Variants in ZBTB7C observed in about 807,000 individuals in gnomAD.
ZBTB7C encodes the protein zinc finger and BTB domain-containing protein 7C.
A neutral mutation model predicts 25.7 loss-of-function variants in ZBTB7C; 8 were observed. The ratio of observed to expected loss-of-function variants is 0.31; its 90% CI spans 0.18 to 0.56. ZBTB7C has a LOEUF of 0.56. Among genes scored for constraint, ZBTB7C ranks in the 20% least tolerant of loss-of-function variants. The pLI, the probability that ZBTB7C is intolerant of heterozygous loss-of-function variation, is 0.91. For missense variants in ZBTB7C, 824 were observed against 855.2 expected (o/e 0.96, Z 0.46); for synonymous variants, 394 against 369.0 (o/e 1.07, Z -0.78).
intron 2 of ZBTB7C, among the ~76,000 whole-genome samples, chr18:48,292,462 G>C (rs2045259618): frequency 6.6e-6 from 1 of 152,104 alleles, no homozygotes; most frequent in Non-Finnish European, 1.5e-5. Context: ...AAGGTGTCCA[G>C]ACCCACTAAA....
At chr18:48,165,569 T>A (rs2041216358) in intron 3 of ZBTB7C, 1 of 167,268 alleles carries the variant, frequency 6.0e-6, no homozygotes, top group African/African-American at 2.4e-5. Flanking sequence ...TGTTGTGCAA[T>A]GAGCTTTCAA....
At position 48,109,079 on chromosome 18, in the gene ZBTB7C, G is replaced by T. The variant is rs1262651122; in HGVS notation, c.-16-67956C>A. Among the ~76,000 whole-genome samples, 5 of 152,130 alleles carry T rather than the reference G, an allele frequency of 3.3e-5. No individual in the cohort carries two copies. The East Asian group carries it at 9.7e-4, about 29-fold the overall frequency. On this transcript the variant is annotated intron_variant, in intron 3 of 4. Transcript: ENST00000590800. ...GAGAGCTTAGAGAAGGAAGAGAGAA[G>T]CAAGACCACACAGCTCCCAGTTGTG... is the stretch of plus-strand genomic sequence containing the variant.
At position 48,040,315 on chromosome 18, in the gene ZBTB7C, C is replaced by T. The variant is rs761479424; in HGVS notation, c.793G>A (p.Gly265Ser). 60 of 1,585,440 alleles carry T rather than the reference C, an allele frequency of 3.8e-5. No individual in the cohort carries two copies. The highest frequency in any genetic ancestry group is 3.6e-4 in the East Asian group (16 of 44,794). Residue 265 changes from glycine (G) to serine (S), a missense_variant, in exon 4 of 5, where the codon GGT (glycine) becomes AGT (serine). Transcript: ENST00000590800. ...FFPHLWPGDF[G>S]AFAQLPEQPM... ...TGCTCAGGCAGCTGGGCAAAGGCAC[C>T]GAAGTCCCCTGGCCAGAGGTGTGGA...
intron 2 of ZBTB7C, among the ~76,000 whole-genome samples, chr18:48,331,959 A>G (rs1441714329): frequency 6.6e-6 from 1 of 152,200 alleles, no homozygotes; most frequent in Non-Finnish European, 1.5e-5. Context: ...AATATTTTGA[A>G]GAAAATTCTA....
chr18:48,241,134 T>A (rs11082667), intron 2 of ZBTB7C, among the ~76,000 whole-genome samples: 2 of 151,936 alleles, frequency 1.3e-5, no homozygotes, highest in African/African-American at 4.8e-5. Context: ...AAAAGGACTA[T>A]TTAAACAGGA....
chr18:48,305,905 C>G (rs1360350600), intron 2 of ZBTB7C, among the ~76,000 whole-genome samples: 3 of 152,184 alleles, frequency 2.0e-5, no homozygotes, highest in Admixed American at 2.0e-4. Flanking sequence ...ATGAAGGAAG[C>G]CAAGGATGAT....
intron 2 of ZBTB7C, among the ~76,000 whole-genome samples, chr18:48,209,409 T>C (rs1390627075): frequency 6.6e-6 from 1 of 152,236 alleles, no homozygotes; most frequent in Non-Finnish European, 1.5e-5. Flanking sequence ...TAAATTTTAG[T>C]TGTGCTAGGA....
chr18:48,362,272 C>T (rs2047124424), intron 1 of ZBTB7C, among the ~76,000 whole-genome samples: 1 of 152,206 alleles, frequency 6.6e-6, no homozygotes. Flanking sequence ...AAACTCAAAG[C>T]AAACATGGTT....
chr18:48,097,482 T>TGCCTC lies in ZBTB7C; in HGVS notation c.-16-56364_-16-56360dup, dbSNP rs2038680993. 2.0e-5 allele frequency among the ~76,000 whole-genome samples: 3 copies of TGCCTC among 152,098 alleles called. No homozygotes were observed. In the East Asian group the frequency reaches 5.8e-4, roughly 29 times the overall value. ...CGCGATCTCGGTTCACTGCAACCTCTGCCTCCTGGGTTCAAGGCATTCTCC... is the reference window on the plus strand; with the variant it reads ...CGCGATCTCGGTTCACTGCAACCTCTGCCTCGCCTCCTGGGTTCAAGGCATTCTCC... On this transcript the variant is annotated intron_variant, in intron 3 of 4. Transcript: ENST00000590800.
intron 2 of ZBTB7C, among the ~76,000 whole-genome samples, chr18:48,316,051 C>T (rs1568371233): frequency 6.6e-6 from 1 of 152,112 alleles, no homozygotes; most frequent in Non-Finnish European, 1.5e-5. Flanking sequence ...CCCACTCTCC[C>T]ACCCACTCTC....
At chr18:48,400,848 T>C in intron 1 of ZBTB7C, among the ~76,000 whole-genome samples, 1 of 152,256 alleles carries the variant, frequency 6.6e-6, no homozygotes, top group Non-Finnish European at 1.5e-5. Context: ...TAGGCTGCAC[T>C]GCTCCAGGTC....
At chr18:48,181,094 T>G (rs1223100240) in intron 3 of ZBTB7C, among the ~76,000 whole-genome samples, 1 of 152,228 alleles carries the variant, frequency 6.6e-6, no homozygotes, top group Non-Finnish European at 1.5e-5. Flanking sequence ...ATGGTTGAAA[T>G]AGTGCCTGTT....
intron 1 of ZBTB7C, among the ~76,000 whole-genome samples, chr18:48,370,418 A>G (rs77721800): frequency 0.02 from 2,979 of 152,272 alleles, 109 homozygotes; most frequent in African/African-American, 0.068. Flanking sequence ...AAAGCAGGGA[A>G]TGAGGGCAAG....
intron 3 of ZBTB7C, among the ~76,000 whole-genome samples, chr18:48,069,737 G>A (rs369311573): frequency 2.6e-5 from 4 of 152,108 alleles, no homozygotes; most frequent in African/African-American, 7.2e-5. Context: ...TGCAGTATAA[G>A]CCTCCCCGCT....
At chr18:48,269,772 G>A (rs2044418890) in intron 2 of ZBTB7C, among the ~76,000 whole-genome samples, 1 of 152,244 alleles carries the variant, frequency 6.6e-6, no homozygotes, top group East Asian at 1.9e-4. Flanking sequence ...AAAGGTAGAA[G>A]TCACTTTGAT....
chr18:48,154,476 A>G (rs375114592), intron 3 of ZBTB7C, among the ~76,000 whole-genome samples: 84 of 152,330 alleles, frequency 5.5e-4, no homozygotes, highest in African/African-American at 1.8e-3. Context: ...GACCAAGCCT[A>G]TAGCTGCCGT....
intron 2 of ZBTB7C, among the ~76,000 whole-genome samples, chr18:48,291,045 G>A (rs935800931): frequency 2.0e-5 from 3 of 152,200 alleles, no homozygotes; most frequent in Non-Finnish European, 4.4e-5. Flanking sequence ...CATCACCCTA[G>A]CCCCAACTCC....
intron 2 of ZBTB7C, among the ~76,000 whole-genome samples, chr18:48,286,713 C>T (rs1360623226): frequency 6.6e-6 from 1 of 152,084 alleles, no homozygotes; most frequent in South Asian, 2.1e-4. Flanking sequence ...GTGTGTTTAA[C>T]ACCAGCCTTG....
chr18:48,265,511 C>T (rs562939959), intron 2 of ZBTB7C, among the ~76,000 whole-genome samples: 19 of 152,106 alleles, frequency 1.2e-4, no homozygotes, highest in Non-Finnish European at 1.9e-4. Context: ...GGGATTGTAA[C>T]GGAACATACC....
Sources: gnomAD v4.1 joint callset for allele counts (sites outside exome capture counted in the v4.1 genomes callset) on GRCh38, gnomAD v4.1.1 for gene constraint, MANE v1.5 for transcripts, NCBI Gene and HGNC (gene_info 2026-07-23, HGNC 2026-07-21) for gene names.